The following MYO1F variants were observed in gnomAD, a reference collection of about 807,000 sequenced individuals.
The protein encoded by MYO1F is unconventional myosin-If.
MYO1F carries 60 observed loss-of-function variants against 146.6 expected under a neutral mutation model. That is an observed-to-expected ratio of 0.41 (90% confidence interval 0.33 to 0.51). The LOEUF (loss-of-function observed/expected upper bound fraction) is 0.51. MYO1F is among the 20% of genes least tolerant of loss of function. The probability of loss-of-function intolerance (pLI) is 0.25; values close to 1 mark genes in which losing one functional copy is unlikely to be tolerated. For missense variants in MYO1F, 1,274 were observed against 1,534.3 expected (o/e 0.83, Z 2.83); for synonymous variants, 602 against 602.1 (o/e 1.00, Z 0.00).
chr19:8,544,482 G>A lies in MYO1F; in HGVS notation c.1357-18C>T, dbSNP rs1361416863. On this transcript the variant is annotated intron_variant, in intron 13 of 27. Coordinates refer to ENST00000644032, the MANE Select transcript of MYO1F (RefSeq NM_012335.4). ...GGGGGGCTCTGCGGGGCGAGCGGGA[G>A]CCAGCAGCGGCTCAGTTTGGTCTGC... 3.7e-6 allele frequency: 6 copies of A among 1,601,244 alleles called. No individual in the cohort carries two copies. Among genetic ancestry groups the A allele is most frequent in the Non-Finnish European group, 5.1e-6 (6 of 1,178,640 alleles).
intron 1 of MYO1F, among the ~76,000 whole-genome samples, chr19:8,574,443 G>A (rs1010743903): frequency 1.3e-5 from 2 of 152,158 alleles, no homozygotes; most frequent in Admixed American, 6.6e-5. Flanking sequence ...ACCAGAGACC[G>A]GTTTAATGGA....
In MYO1F at chr19:8,525,525, C is replaced by T. The variant is rs756794504; in HGVS notation, c.2808G>A (p.Arg936=). The T allele has an allele frequency of 3.7e-6, 6 of 1,613,566 alleles. No homozygotes were observed. The South Asian group carries it at 6.6e-5, about 18-fold the overall frequency. Residue 936 remains arginine (R), a synonymous_variant, in exon 25 of 28, where the codon CGG becomes CGA. Transcript: ENST00000644032. ...TRKGMAKGKP[R]RSSQAPTRAA... ...CCCGGGTAGGGGCTTGGGACGACCT[C>T]CGAGGTTTTCCCTTGGCCATTCCCT...
At chr19:8,564,427 A>T (rs971169279) in intron 1 of MYO1F, among the ~76,000 whole-genome samples, 1 of 152,040 alleles carries the variant, frequency 6.6e-6, no homozygotes, top group African/African-American at 2.4e-5. Flanking sequence ...ATGCACTGAG[A>T]GTCCCTGGGG....
At chr19:8,568,395 C>T (rs1354644871) in intron 1 of MYO1F, among the ~76,000 whole-genome samples, 1 of 121,860 alleles carries the variant, frequency 8.2e-6, no homozygotes, top group African/African-American at 3.3e-5. Flanking sequence ...TGCAGTCCGG[C>T]CTGGGTGAAA....
chr19:8,530,588 T>TG lies in MYO1F; in HGVS notation c.2044-16dup, dbSNP rs780667806. ...AGGAGGAAAAGCTGGGCGGGGGTCG[T>TG]GGGGGGCAAGGGTGAGTCCTGGTGT... On this transcript the variant is annotated splice_polypyrimidine_tract_variant and intron_variant, in intron 19 of 27. Transcript: ENST00000644032. This position sits in a 1 kb window ranked among gnomAD's most constrained non-coding sequence, Gnocchi z 5.8. 1.2e-6 allele frequency: 2 copies of TG among 1,601,492 alleles called. No homozygotes were observed.
At chr19:8,551,543 G>T (rs2145916507) in intron 8 of MYO1F, 197 bp downstream of exon 8, 1 of 681,332 alleles carries the variant, frequency 1.5e-6, no homozygotes, top group East Asian at 2.9e-5. Flanking sequence ...GTAGAGACGG[G>T]GTTTAACCAC....
At chr19:8,569,488 C>T (rs998300713) in intron 1 of MYO1F, among the ~76,000 whole-genome samples, 1 of 151,986 alleles carries the variant, frequency 6.6e-6, no homozygotes, top group Non-Finnish European at 1.5e-5. Context: ...GGTGATGGTG[C>T]CTATGGGGCT....
intron 1 of MYO1F, among the ~76,000 whole-genome samples, chr19:8,564,904 C>G (rs2041975130): frequency 6.6e-6 from 1 of 151,994 alleles, no homozygotes; most frequent in Non-Finnish European, 1.5e-5. Context: ...TCCCAAGTAA[C>G]TGGAATTACA....
intron 1 of MYO1F, among the ~76,000 whole-genome samples, chr19:8,562,020 T>C (rs891300383): frequency 6.6e-6 from 1 of 151,440 alleles, no homozygotes; most frequent in South Asian, 2.1e-4. Context: ...TGGCCCTTCC[T>C]TCCTTTTTCT....
At chr19:8,526,679 G>A (rs1972282412) in intron 23 of MYO1F, 78 bp from the exon 24 acceptor site, 2 of 1,541,690 alleles carry the variant, frequency 1.3e-6, no homozygotes, top group South Asian at 1.2e-5. Context: ...TGGGGCAGGG[G>A]CGGGGCCGCG....
intron 1 of MYO1F, among the ~76,000 whole-genome samples, chr19:8,559,525 A>G (rs1249922292): frequency 6.6e-6 from 1 of 152,070 alleles, no homozygotes; most frequent in Admixed American, 6.6e-5. Context: ...ATAAAAAGGA[A>G]GAGGCAGCTC....
intron 1 of MYO1F, among the ~76,000 whole-genome samples, chr19:8,574,214 C>A (rs2042161701): frequency 6.6e-6 from 1 of 152,126 alleles, no homozygotes; most frequent in Non-Finnish European, 1.5e-5. Flanking sequence ...CACCACGAAC[C>A]TGCAACAAGA....
intron 10 of MYO1F, among the ~76,000 whole-genome samples, chr19:8,549,301 T>A (rs965931727): frequency 6.6e-6 from 1 of 152,022 alleles, no homozygotes; most frequent in South Asian, 2.1e-4. Flanking sequence ...AGACAGGGTC[T>A]CAGTCTGTTG....
rs749762149 is a variant in MYO1F, at chr19:8,522,490, T to C, written c.3107A>G (p.Lys1036Arg). The change falls in exon 27 of 28, where the codon AAG becomes AGG. Residue 1036 changes from lysine (K) to arginine (R), a missense_variant. Physicochemically the swap from Lys to Arg is conservative, Grantham distance 26. Around this residue, in one of 2 missense-constraint regions of MYO1F, gnomAD observed 374 missense variants for 379.2 expected, o/e 0.99. Coordinates refer to ENST00000644032, the MANE Select transcript of MYO1F (RefSeq NM_012335.4). The stretch of plus-strand genomic sequence containing the variant: ...GGGACCATGTGTCCGAGGCTGGGGC[T>C]TGGGTCGGCCCACACCAGGCACTGG... ...QRPVPGVGRP[K>R]PQPRTHGPRC... 2 of 1,613,852 alleles carry C rather than the reference T, an allele frequency of 1.2e-6. No homozygotes were observed. The highest frequency in any genetic ancestry group is 1.1e-5 in the South Asian group (1 of 91,062).
intron 1 of MYO1F, among the ~76,000 whole-genome samples, chr19:8,564,754 G>A (rs1300377744): frequency 6.6e-6 from 1 of 151,276 alleles, no homozygotes; most frequent in African/African-American, 2.4e-5. Flanking sequence ...GGGGTCAGGG[G>A]AGCCCGTGTT....
intron 19 of MYO1F, among the ~76,000 whole-genome samples, chr19:8,535,816 A>G (rs571928589): frequency 3.3e-5 from 5 of 151,986 alleles, no homozygotes; most frequent in Admixed American, 2.6e-4. Flanking sequence ...AGTAGCTGGG[A>G]CCACAGGTGC....
chr19:8,574,075 C>T (rs1286072601), intron 1 of MYO1F, among the ~76,000 whole-genome samples: 1 of 152,138 alleles, frequency 6.6e-6, no homozygotes, highest in Non-Finnish European at 1.5e-5. Context: ...ATAACAGCAA[C>T]CACCGATGGT....
intron 25 of MYO1F, among the ~76,000 whole-genome samples, chr19:8,524,922 C>T (rs1027681022): frequency 2.6e-5 from 4 of 152,034 alleles, no homozygotes; most frequent in South Asian, 2.1e-4. Context: ...TGAGGCCAGG[C>T]GCCGTAGCTC....
rs755390965 is a variant in MYO1F, at chr19:8,550,731, C to T, written c.772-37G>A. On this transcript the variant is annotated intron_variant, in intron 8 of 27. Coordinates refer to ENST00000644032, the MANE Select transcript of MYO1F (RefSeq NM_012335.4). Reference sequence around the variant, plus strand: ...CGGGGGCAGAAACTGTGCCGTGAATCCTGGCCTCCAACCTGCCTCCAGGGG... The same window carrying T: ...CGGGGGCAGAAACTGTGCCGTGAATTCTGGCCTCCAACCTGCCTCCAGGGG... 4.3e-6 allele frequency: 7 copies of T among 1,612,784 alleles called. No individual in the cohort carries two copies. In the Admixed American group the frequency reaches 6.7e-5, roughly 15 times the overall value.
Sources: allele counts gnomAD v4.1 joint callset (sites outside exome capture counted in the v4.1 genomes callset), GRCh38; gene constraint gnomAD v4.1.1; regional missense constraint gnomAD v4.1.1; non-coding constraint Gnocchi (gnomAD v3.1); transcripts MANE v1.5; gene names NCBI Gene and HGNC (gene_info 2026-07-23, HGNC 2026-07-21).